Variants in NAA35 observed in about 807,000 individuals in gnomAD.
NAA35 encodes the protein N-alpha-acetyltransferase 35, NatC auxiliary subunit.
In NAA35, 18 loss-of-function variants were observed where a neutral mutation model predicts 101.7. The observed-to-expected ratio is 0.18, with a 90% CI of 0.12 to 0.26. NAA35 has a LOEUF of 0.26. NAA35 is among the 10% of genes least tolerant of loss of function. The probability of loss-of-function intolerance (pLI) is 1.00; values close to 1 mark genes in which losing one functional copy is unlikely to be tolerated. For synonymous variants in NAA35, 267 were observed against 273.1 expected (o/e 0.98, Z 0.22); for missense variants, 601 against 886.8 (o/e 0.68, Z 4.09).
chr9:86,021,522 C>T (rs1832554005), intron 22 of NAA35, among the ~76,000 whole-genome samples: 1 of 152,190 alleles, frequency 6.6e-6, no homozygotes, highest in South Asian at 2.1e-4. Flanking sequence ...TCCTCTCCTG[C>T]CCTGGTTTCC....
Position 85,955,610 on chromosome 9 carries a change from G to A in NAA35, c.125-750G>A, listed in dbSNP as rs377635984. 1.3e-3 allele frequency among the ~76,000 whole-genome samples: 194 copies of A among 151,934 alleles called. 4 individuals carry two copies. The South Asian group carries it at 0.033, about 26-fold the overall frequency. ...GATCTCCTGACCTCGTGATCCACCC[G>A]CCTTGGCCTCCCAAAGTGCTGGGAT... On this transcript the variant is annotated intron_variant, in intron 2 of 22. Transcript: ENST00000361671.
chr9:85,995,234 C>G (rs1333623277), intron 11 of NAA35, among the ~76,000 whole-genome samples: 2 of 151,170 alleles, frequency 1.3e-5, no homozygotes, highest in African/African-American at 4.8e-5. Context: ...CCCTCTTGTA[C>G]TGAGTGATTT....
Position 86,023,074 on chromosome 9 carries a change from C to T in NAA35, c.*1114C>T, listed in dbSNP as rs1832637556. ...AACATGATAGTATAGTGAAACTTTT[C>T]TGGCAGTACTTTAAAGCAGCTAACC... On this transcript the variant is annotated 3_prime_UTR_variant, in exon 23 of 23. Transcript: ENST00000361671. Among the ~76,000 whole-genome samples the T allele has an allele frequency of 6.6e-6, 1 of 152,098 alleles. No homozygotes were observed. Among genetic ancestry groups the T allele is most frequent in the Non-Finnish European group, 1.5e-5 (1 of 68,022 alleles).
intron 6 of NAA35, among the ~76,000 whole-genome samples, chr9:85,970,433 C>T (rs1222138146): frequency 2.6e-5 from 4 of 152,028 alleles, no homozygotes; most frequent in Admixed American, 2.6e-4. Context: ...TTATTAATTA[C>T]AAAGGGAAAA....
At chr9:85,962,201 A>C (rs768857691) in intron 6 of NAA35, 21 bp downstream of exon 6, 1 of 1,610,116 alleles carries the variant, frequency 6.2e-7, no homozygotes, top group South Asian at 1.1e-5. Context: ...GTAATGTAAG[A>C]AATCCTTGGC....
At chr9:85,996,603 T>C (rs753391670) in intron 12 of NAA35, 26 bp downstream of exon 12, 2 of 1,485,836 alleles carry the variant, frequency 1.3e-6, no homozygotes, top group Admixed American at 5.1e-5. Context: ...TGTTCCAGAA[T>C]GTAACTTCCA....
intron 15 of NAA35, 25 bp downstream of exon 15, chr9:86,009,956 A>G: frequency 2.5e-6 from 4 of 1,581,866 alleles, no homozygotes; most frequent in Non-Finnish European, 2.6e-6. Flanking sequence ...TTGGATTGTC[A>G]TAATGGGTAC....
chr9:85,941,206 C>T lies in NAA35; in HGVS notation c.-73C>T, dbSNP rs377706157. The stretch of plus-strand genomic sequence containing the variant: ...TGAGAGGGGAGGGGGCGGCGGCGGC[C>T]GAGGCGGCGTCGTTATTTCCGTGGT... On this transcript the variant is annotated 5_prime_UTR_variant, in exon 1 of 23. An upstream open reading frame in the 5' UTR gains an earlier in-frame stop. Coordinates refer to ENST00000361671, the MANE Select transcript of NAA35 (RefSeq NM_024635.4). The T allele has an allele frequency of 9.1e-6, 9 of 986,722 alleles. No homozygotes were observed. The highest frequency in any genetic ancestry group is 7.0e-5 in the African/African-American group (4 of 57,230). The allele number at this position is 986,722 out of a possible 1,614,324, so 61.1% of individuals were successfully genotyped here.
chr9:85,986,770 T>C (rs1182353294), intron 11 of NAA35: 4 of 272,250 alleles, frequency 1.5e-5, no homozygotes, highest in South Asian at 6.6e-5. Flanking sequence ...ATTCTTTTTT[T>C]AGTGGAGACG....
At chr9:85,977,966 G>A (rs1424978999) in intron 10 of NAA35, among the ~76,000 whole-genome samples, 2 of 149,900 alleles carry the variant, frequency 1.3e-5, no homozygotes, top group African/African-American at 2.4e-5. Flanking sequence ...GAATGACATG[G>A]TAGAATTGTT....
intron 2 of NAA35, among the ~76,000 whole-genome samples, chr9:85,953,573 C>T (rs1349869052): frequency 6.6e-6 from 1 of 152,008 alleles, no homozygotes; most frequent in Non-Finnish European, 1.5e-5. Flanking sequence ...CTACAGGCAC[C>T]CACCACCATG....
At chr9:85,997,123 T>A (rs1162135090) in intron 12 of NAA35, among the ~76,000 whole-genome samples, 2 of 151,230 alleles carry the variant, frequency 1.3e-5, no homozygotes, top group East Asian at 3.9e-4. Context: ...CAACAATGTT[T>A]TAGTTTAATC....
intron 11 of NAA35, chr9:85,987,039 A>G (rs1420045332): frequency 6.5e-6 from 1 of 154,938 alleles, no homozygotes; most frequent in Non-Finnish European, 1.4e-5. Context: ...AAGTTTACAA[A>G]CTAGTGTTGT....
At chr9:85,978,677 G>A (rs191116959) in intron 11 of NAA35, among the ~76,000 whole-genome samples, 29 of 152,224 alleles carry the variant, frequency 1.9e-4, no homozygotes, top group South Asian at 8.3e-4. Context: ...AAAAGCCAGC[G>A]CAATGAGAAC....
chr9:85,948,866 T>C (rs1261992808), intron 2 of NAA35, among the ~76,000 whole-genome samples: 1 of 152,168 alleles, frequency 6.6e-6, no homozygotes, highest in Non-Finnish European at 1.5e-5. Context: ...CAGGCGATTC[T>C]CCTGCCTCAG....
chr9:86,025,076 C>CCTT lies in NAA35; in HGVS notation c.*3116_*3117insCTT, dbSNP rs1554780672. ...TTCACCGTTTTGTTTGCACAAGACTCTAAGACAGTATACTGCCTTAAATAA... is the reference window on the plus strand; with the variant it reads ...TTCACCGTTTTGTTTGCACAAGACTCCTTTAAGACAGTATACTGCCTTAAATAA... On this transcript the variant is annotated 3_prime_UTR_variant, in exon 23 of 23. Coordinates refer to ENST00000361671, the MANE Select transcript of NAA35 (RefSeq NM_024635.4). Among the ~76,000 whole-genome samples the CCTT allele has an allele frequency of 6.6e-6, 1 of 152,110 alleles. No individual in the cohort carries two copies. The highest frequency in any genetic ancestry group is 1.5e-5 in the Non-Finnish European group (1 of 68,036).
chr9:85,981,920 C>G (rs1830455228), intron 11 of NAA35, among the ~76,000 whole-genome samples: 1 of 152,166 alleles, frequency 6.6e-6, no homozygotes, highest in Non-Finnish European at 1.5e-5. Flanking sequence ...CAGCTGGTGA[C>G]AAGATGGCTG....
intron 22 of NAA35, 54 bp from the exon 23 acceptor site, chr9:86,021,847 G>A: frequency 1.5e-6 from 2 of 1,341,590 alleles, no homozygotes; most frequent in Non-Finnish European, 2.1e-6. Flanking sequence ...TTTGTTTTGT[G>A]TACCATCTGA....
rs376370532 is a variant in NAA35 at position 86,013,749 on chromosome 9, A to G, written c.1420A>G (p.Met474Val). 2 of 1,614,060 alleles carry G rather than the reference A, an allele frequency of 1.2e-6. No homozygotes were observed. The highest frequency in any genetic ancestry group is 1.7e-6 in the Non-Finnish European group (2 of 1,180,006). ...AEKVDAALHT[M>V]LLKQEPQRQH... ...GAAGGTTGATGCAGCGCTTCACACC[A>G]TGCTGTTGAAACAGGAACCCCAAAG... The change falls in exon 17 of 23, where the codon ATG becomes GTG. Residue 474 changes from methionine to valine, a missense_variant. Coordinates refer to ENST00000361671, the MANE Select transcript of NAA35 (RefSeq NM_024635.4).
Sources: gnomAD v4.1 joint callset for allele counts (sites outside exome capture counted in the v4.1 genomes callset) on GRCh38, gnomAD v4.1.1 for gene constraint, MANE v1.5 for transcripts, NCBI Gene and HGNC (gene_info 2026-07-23, HGNC 2026-07-21) for gene names.